Variants in UNC79 observed in about 807,000 individuals in gnomAD.
The protein encoded by UNC79 is unc-79 subunit of NALCN channel complex.
UNC79 carries 37 observed loss-of-function variants against 283.1 expected under a neutral mutation model. That is an observed-to-expected ratio of 0.13 (90% CI 0.10 to 0.17). UNC79 has a LOEUF of 0.17. Ranked by LOEUF, UNC79 falls within the 10% of genes least tolerant of loss-of-function variation. The probability of loss-of-function intolerance (pLI) is 1.00; values close to 1 mark genes in which losing one functional copy is unlikely to be tolerated. For missense variants in UNC79, 2,272 were observed against 3,211.1 expected (o/e 0.71, Z 7.07); for synonymous variants, 1,107 against 1,200.2 (o/e 0.92, Z 1.61).
At chr14:93,692,491 T>C (rs1047520178) in intron 46 of UNC79, among the ~76,000 whole-genome samples, 2 of 152,222 alleles carry the variant, frequency 1.3e-5, no homozygotes, top group Non-Finnish European at 2.9e-5. Flanking sequence ...GAGATTCATA[T>C]TAATTGAGGA....
chr14:93,385,056 C>G (rs2054741174), intron 1 of UNC79, among the ~76,000 whole-genome samples: 1 of 152,188 alleles, frequency 6.6e-6, no homozygotes, highest in African/African-American at 2.4e-5. Flanking sequence ...TCTTTTTATG[C>G]CAGTACCATG....
At chr14:93,425,779 A>G (rs918324041), upstream of UNC79, among the ~76,000 whole-genome samples, 1 of 152,236 alleles carries the variant, frequency 6.6e-6, no homozygotes, top group African/African-American at 2.4e-5. Context: ...AATGAAATAT[A>G]AGAATCTGTT....
intron 10 of UNC79, among the ~76,000 whole-genome samples, chr14:93,530,365 G>A (rs566456825): frequency 6.0e-4 from 92 of 152,196 alleles, no homozygotes; most frequent in African/African-American, 2.1e-3. Context: ...GAGCCTAGGA[G>A]TTTGAGACCA....
intron 41 of UNC79, among the ~76,000 whole-genome samples, chr14:93,678,715 G>C (rs1195499702): frequency 6.6e-6 from 1 of 152,212 alleles, no homozygotes; most frequent in Non-Finnish European, 1.5e-5. Flanking sequence ...GTCTAGCCAT[G>C]ACCACTGTTG....
chr14:93,417,489 A>G (rs1173138389), intron 1 of UNC79, among the ~76,000 whole-genome samples: 5 of 151,876 alleles, frequency 3.3e-5, no homozygotes, highest in African/African-American at 1.2e-4. Flanking sequence ...TAAATCTGAC[A>G]ATTATGTGTC....
chr14:93,404,493 A>AAAAAAAAAAAAATATATATATATATATAT, intron 1 of UNC79, among the ~76,000 whole-genome samples: 19 of 61,478 alleles, frequency 3.1e-4, no homozygotes, highest in African/African-American at 8.0e-4. Context: ...TTCTAAAAAA[A>AAAAAAAAAAAAATATATATATATATATAT]ATATATATAT....
At chr14:93,338,175 G>A (rs890739367) in intron 1 of UNC79, among the ~76,000 whole-genome samples, 1 of 152,058 alleles carries the variant, frequency 6.6e-6, no homozygotes, top group Non-Finnish European at 1.5e-5. Flanking sequence ...AGGTGCTGCC[G>A]GCCACAGAGG....
At chr14:93,618,751 A>G (rs1027056564) in intron 29 of UNC79, among the ~76,000 whole-genome samples, 2 of 152,204 alleles carry the variant, frequency 1.3e-5, no homozygotes, top group Admixed American at 1.3e-4. Flanking sequence ...TAGAGTTTCA[A>G]TGGAGTCTAA....
At chr14:93,432,093 T>G (rs1952339500) in intron 1 of UNC79, among the ~76,000 whole-genome samples, 1 of 152,232 alleles carries the variant, frequency 6.6e-6, no homozygotes, top group Non-Finnish European at 1.5e-5. Flanking sequence ...TACTTAAAAG[T>G]CTTTGTAATT....
In UNC79 at chr14:93,474,802, G is replaced by C. The variant is rs1465759913; in HGVS notation, c.448+409G>C. 6.6e-6 allele frequency among the ~76,000 whole-genome samples: 1 copy of C among 152,190 alleles called. No individual in the cohort carries two copies. The highest frequency in any genetic ancestry group is 2.4e-5 in the African/African-American group (1 of 41,454). ...TCCACTGACTGATTCGGTAATTTTT[G>C]AGGGAGCAAATTCTCTAGGACCCAT... On this transcript the variant is annotated intron_variant, in intron 3 of 48. Coordinates refer to ENST00000555664, the Ensembl canonical transcript of UNC79. This position sits in a 1 kb window ranked among gnomAD's most constrained non-coding sequence, Gnocchi z 4.1.
intron 4 of UNC79, among the ~76,000 whole-genome samples, chr14:93,480,221 T>C (rs1193245961): frequency 6.6e-6 from 1 of 152,204 alleles, no homozygotes; most frequent in Non-Finnish European, 1.5e-5. Flanking sequence ...TTACAAAATT[T>C]GTGTATATTT....
intron 1 of UNC79, among the ~76,000 whole-genome samples, chr14:93,392,879 A>C (rs1483297033): frequency 1.3e-5 from 2 of 152,258 alleles, no homozygotes; most frequent in Non-Finnish European, 2.9e-5. Context: ...TTTGGGCTAA[A>C]GTAGACCTCA....
At chr14:93,674,333 A>G (rs2073150160) in intron 41 of UNC79, among the ~76,000 whole-genome samples, 1 of 152,124 alleles carries the variant, frequency 6.6e-6, no homozygotes, top group Non-Finnish European at 1.5e-5. Flanking sequence ...CTTCAAGCAT[A>G]GGGGAGGCTT....
chr14:93,526,998 C>T (rs2060577627), intron 8 of UNC79, among the ~76,000 whole-genome samples: 1 of 152,032 alleles, frequency 6.6e-6, no homozygotes, highest in African/African-American at 2.4e-5. Context: ...GAATGGTATA[C>T]CAAATAGAAA....
intron 26 of UNC79, among the ~76,000 whole-genome samples, chr14:93,606,446 A>G (rs2065894777): frequency 6.6e-6 from 1 of 152,182 alleles, no homozygotes; most frequent in African/African-American, 2.4e-5. Flanking sequence ...CCATTTTTGC[A>G]TTATTATTTA....
chr14:93,468,239 C>T (rs549398529), intron 2 of UNC79, among the ~76,000 whole-genome samples: 1 of 152,238 alleles, frequency 6.6e-6, no homozygotes, highest in East Asian at 1.9e-4. Flanking sequence ...CTGGGTAACA[C>T]TTCACATGTT....
rs35677025 is a variant in UNC79 at position 93,536,782 on chromosome 14, C to CTTTTTTTTTTTTT, written c.1123-1199_1123-1187dup. Among the ~76,000 whole-genome samples, 4 of 82,434 alleles carry CTTTTTTTTTTTTT rather than the reference C, an allele frequency of 4.9e-5. 1 individual carries two copies. Among genetic ancestry groups the CTTTTTTTTTTTTT allele is most frequent in the Non-Finnish European group, 9.5e-5 (4 of 42,250 alleles). 54.1% of individuals were successfully genotyped at this position (82,434 alleles called of 152,430 possible). On this transcript the variant is annotated intron_variant, in intron 11 of 48. Coordinates refer to ENST00000555664, the Ensembl canonical transcript of UNC79. Reference sequence around the variant, plus strand: ...GAAGGCACCCCCCACCCACCCCCGGCTTTTTTTTTTTTTTTTTTTTGTCTA... The same window carrying CTTTTTTTTTTTTT: ...GAAGGCACCCCCCACCCACCCCCGGCTTTTTTTTTTTTTTTTTTTTTTTTTTTTTTTTTGTCTA...
At chr14:93,575,439 A>G (rs2063419048) in intron 17 of UNC79, among the ~76,000 whole-genome samples, 1 of 152,194 alleles carries the variant, frequency 6.6e-6, no homozygotes, top group Non-Finnish European at 1.5e-5. Context: ...TCCCTTGATG[A>G]AAAAGAGTAG....
intron 1 of UNC79, among the ~76,000 whole-genome samples, chr14:93,364,625 T>C (rs1023103432): frequency 4.6e-5 from 3 of 64,606 alleles, no homozygotes; most frequent in African/African-American, 1.4e-4. Flanking sequence ...TTAAGGGAAC[T>C]ATACTTAGCT....
Sources: gnomAD v4.1 joint callset for allele counts (sites outside exome capture counted in the v4.1 genomes callset) on GRCh38, gnomAD v4.1.1 for gene constraint, Gnocchi (gnomAD v3.1) non-coding constraint, MANE v1.5 for transcripts, NCBI Gene and HGNC (gene_info 2026-07-23, HGNC 2026-07-21) for gene names.